The following ERCC3 variants were observed in gnomAD, a reference collection of about 807,000 sequenced individuals.
ERCC3 encodes general transcription and DNA repair factor IIH helicase/translocase subunit XPB.
In ERCC3, 66 loss-of-function variants were observed where a neutral mutation model predicts 94.2. The observed-to-expected ratio is 0.70, with a 90% CI of 0.57 to 0.86. The LOEUF (loss-of-function observed/expected upper bound fraction) is 0.86, where lower values mean the gene tolerates loss of function less well. Ranked by LOEUF, ERCC3 falls within the 40% of genes least tolerant of loss-of-function variation. The pLI, the probability that ERCC3 is intolerant of heterozygous loss-of-function variation, is 0.00. For missense variants in ERCC3, 829 were observed against 987.1 expected (o/e 0.84, Z 2.15); for synonymous variants, 349 against 369.1 (o/e 0.95, Z 0.63).
At position 127,290,215 on chromosome 2, in the gene ERCC3, A is replaced by C. The variant is rs1016212549; in HGVS notation, c.521+9T>G. ...TGCCTTGGGACAGGCCTGTCATGGAATCTCTTACCTGTTGTGCTTCAAGAC... is the reference window on the plus strand; with the variant it reads ...TGCCTTGGGACAGGCCTGTCATGGACTCTCTTACCTGTTGTGCTTCAAGAC... On this transcript the variant is annotated intron_variant, in intron 4 of 14. Transcript: ENST00000285398. The C allele has an allele frequency of 2.5e-6, 4 of 1,612,470 alleles. No individual in the cohort carries two copies. In the African/African-American group the frequency reaches 4.0e-5, roughly 16 times the overall value.
rs540454297 is a variant in ERCC3, at chr2:127,273,073, G to A, written c.1731-112C>T. On this transcript the variant is annotated intron_variant, in intron 10 of 14. Transcript: ENST00000285398. The stretch of plus-strand genomic sequence containing the variant: ...AGCTCTTCTCAAGTAGAAAGCCCTC[G>A]TCATGTAGGAATATCGTTACACCCA... 101 of 722,378 alleles carry A rather than the reference G, an allele frequency of 1.4e-4. 1 individual carries two copies. Among genetic ancestry groups the A allele is most frequent in the African/African-American group, 9.6e-4 (54 of 56,434 alleles). 44.7% of individuals were successfully genotyped at this position (722,378 alleles called of 1,614,324 possible).
rs772273590 is a variant in ERCC3 at position 127,257,491 on chromosome 2, C to A, written c.*105G>T. On this transcript the variant is annotated 3_prime_UTR_variant, in exon 15 of 15. Coordinates refer to ENST00000285398, the MANE Select transcript of ERCC3 (RefSeq NM_000122.2). This position sits in a 1 kb window ranked among gnomAD's most constrained non-coding sequence, Gnocchi z 5.4. ...ATCTTCCTCAGCACAATTTGGCCAA[C>A]GCTGGAGGGAAGGTCAAAGAGGTGG... 1 of 1,464,294 alleles carries A rather than the reference C, an allele frequency of 6.8e-7. No individual in the cohort carries two copies. Among genetic ancestry groups the A allele is most frequent in the African/African-American group, 1.4e-5 (1 of 71,932 alleles). The allele number at this position is 1,464,294 out of a possible 1,614,324, so 90.7% of individuals were successfully genotyped here.
At position 127,259,306 on chromosome 2, in the gene ERCC3, C is replaced by A. The variant is rs587778276; in HGVS notation, c.2207G>T (p.Arg736Ile). The A allele has an allele frequency of 7.4e-6, 12 of 1,614,234 alleles. No homozygotes were observed. The highest frequency in any genetic ancestry group is 1.0e-5 in the Non-Finnish European group (12 of 1,180,052). Reference sequence around the variant, plus strand: ...CACCCATTTACTCACCTGGCTGGATCTGGAGCCAAATTCCCCAGCCACCAC... The same window carrying A: ...CACCCATTTACTCACCTGGCTGGATATGGAGCCAAATTCCCCAGCCACCAC... The part of the protein sequence containing the change: ...EEVVAGEFGS[R>I]SSQASRRFGT... The change falls in exon 14 of 15, where the codon AGA becomes ATA. Residue 736 changes from arginine to isoleucine, a missense_variant. Transcript: ENST00000285398. The surrounding 1 kb of genome is among the most constrained non-coding windows in gnomAD (Gnocchi z 4.9).
rs58195524 is a variant in ERCC3, at chr2:127,274,316, G to GAA, written c.1731-1357_1731-1356dup. Among the ~76,000 whole-genome samples the GAA allele has an allele frequency of 1.8e-5, 2 of 113,730 alleles. No homozygotes were observed. Among genetic ancestry groups the GAA allele is most frequent in the African/African-American group, 3.2e-5 (1 of 31,070 alleles). The allele number at this position is 113,730 out of a possible 152,430, so 74.6% of individuals were successfully genotyped here. A position where few individuals can be genotyped will look rare whatever the true frequency, so the allele number is the denominator to read the frequency against. ...GGCAACAGAGTGAGACTCCGTCTCA[G>GAA]AAAAAAAAAAAAAAGAAAAAGAAAA... On this transcript the variant is annotated intron_variant, in intron 10 of 14. Coordinates refer to ENST00000285398, the MANE Select transcript of ERCC3 (RefSeq NM_000122.2). This position sits in a 1 kb window ranked among gnomAD's most constrained non-coding sequence, Gnocchi z 4.0.
Position 127,271,490 on chromosome 2 carries a change from A to G in ERCC3, c.1828-37T>C, listed in dbSNP as rs112349061. On this transcript the variant is annotated intron_variant, in intron 11 of 14. Transcript: ENST00000285398. The surrounding 1 kb of genome is among the most constrained non-coding windows in gnomAD (Gnocchi z 5.0). ...AGTTGGAAGGTTTTTATATATGAGG[A>G]AAAAAAAAAAGTCAACTGATCCAGA... 8.3e-5 allele frequency: 40 copies of G among 482,808 alleles called. 3 individuals are homozygous for G. The South Asian group carries it at 1.5e-3, about 19-fold the overall frequency. The allele number at this position is 482,808 out of a possible 1,614,324, so 29.9% of individuals were successfully genotyped here. A position where few individuals can be genotyped will look rare whatever the true frequency, so the allele number is the denominator to read the frequency against.
chr2:127,287,491 G>C (rs552140956), intron 7 of ERCC3, among the ~76,000 whole-genome samples: 1 of 152,032 alleles, frequency 6.6e-6, no homozygotes, highest in Non-Finnish European at 1.5e-5. Context: ...AAAATTAGCC[G>C]GGCATGGTGG....
chr2:127,274,319 A>AG lies in ERCC3; in HGVS notation c.1731-1359_1731-1358insC, dbSNP rs925189691. ...AACAGAGTGAGACTCCGTCTCAGAA[A>AG]AAAAAAAAAAAGAAAAAGAAAAGAA... On this transcript the variant is annotated intron_variant, in intron 10 of 14. Transcript: ENST00000285398. The surrounding 1 kb of genome is among the most constrained non-coding windows in gnomAD (Gnocchi z 4.0). Among the ~76,000 whole-genome samples the AG allele has an allele frequency of 6.6e-6, 1 of 150,646 alleles. No homozygotes were observed. The highest frequency in any genetic ancestry group is 2.5e-5 in the African/African-American group (1 of 40,420).
intron 12 of ERCC3, chr2:127,262,967 G>C (rs1405594591): frequency 6.6e-6 from 1 of 152,180 alleles, no homozygotes; most frequent in Non-Finnish European, 1.5e-5. Flanking sequence ...TCAGTTGGCT[G>C]CAGGTACATG....
In ERCC3 at chr2:127,289,795, A is replaced by G. The variant is rs2104776790; in HGVS notation, c.551T>C (p.Val184Ala). 6.2e-7 allele frequency: 1 copy of G among 1,614,176 alleles called. No individual in the cohort carries two copies. Among genetic ancestry groups the G allele is most frequent in the Non-Finnish European group, 8.5e-7 (1 of 1,180,032 alleles). ...RYFVESCHPDVIQHLLQDPVI... is the reference protein window; with the variant it reads ...RYFVESCHPDAIQHLLQDPVI... ...GGGGTCCTGGAGAAGATGCTGGATT[A>G]CATCAGGGTGGCAACTTTCAACGAA... The change falls in exon 5 of 15, where the codon GTA (valine) becomes GCA (alanine). Residue 184 changes from valine (V) to alanine (A), a missense_variant. Physicochemically the swap from Val to Ala is moderately conservative, Grantham distance 64. Transcript: ENST00000285398.
intron 8 of ERCC3, among the ~76,000 whole-genome samples, chr2:127,286,422 C>A (rs973796874): frequency 6.6e-6 from 1 of 152,056 alleles, no homozygotes; most frequent in Non-Finnish European, 1.5e-5. Context: ...GTGGCAGGTG[C>A]CTGTAATCCC....
Position 127,265,255 on chromosome 2 carries a change from T to C in ERCC3, c.1946-3909A>G, listed in dbSNP as rs1172158486. 4.6e-5 allele frequency among the ~76,000 whole-genome samples: 7 copies of C among 152,340 alleles called. No homozygotes were observed. In the South Asian group the frequency reaches 1.2e-3, roughly 27 times the overall value. On this transcript the variant is annotated intron_variant, in intron 12 of 14. Transcript: ENST00000285398. Reference sequence around the variant, plus strand: ...GAAGTTGTATGTTTCCAGGAATTTATCTATTTCCTCTAGATTTACTAGTTT... The same window carrying C: ...GAAGTTGTATGTTTCCAGGAATTTACCTATTTCCTCTAGATTTACTAGTTT...
intron 12 of ERCC3, among the ~76,000 whole-genome samples, chr2:127,267,615 T>G (rs974810431): frequency 1.8e-4 from 27 of 152,312 alleles, no homozygotes; most frequent in Admixed American, 7.2e-4. Flanking sequence ...AGGTTAATAT[T>G]GAGACATGAG....
rs1366797086 is a variant in ERCC3 at position 127,274,041 on chromosome 2, C to T, written c.1731-1080G>A. Among the ~76,000 whole-genome samples the T allele has an allele frequency of 4.6e-5, 7 of 151,328 alleles. No homozygotes were observed. Among genetic ancestry groups the T allele is most frequent in the African/African-American group, 1.7e-4 (7 of 41,286 alleles). ...AAAAAAAAAAAAATCCAGCCAGGCGCGGTGGCTCACACCTGTAATCCCAGC... is the reference window on the plus strand; with the variant it reads ...AAAAAAAAAAAAATCCAGCCAGGCGTGGTGGCTCACACCTGTAATCCCAGC... On this transcript the variant is annotated intron_variant, in intron 10 of 14. Coordinates refer to ENST00000285398, the MANE Select transcript of ERCC3 (RefSeq NM_000122.2). The surrounding 1 kb of genome is among the most constrained non-coding windows in gnomAD (Gnocchi z 4.0).
intron 8 of ERCC3, among the ~76,000 whole-genome samples, chr2:127,281,498 T>A (rs1275352160): frequency 6.6e-6 from 1 of 152,204 alleles, no homozygotes; most frequent in Non-Finnish European, 1.5e-5. Flanking sequence ...ATTTATGGAT[T>A]TCCACGGGCT....
chr2:127,294,120 A>C lies in ERCC3; in HGVS notation c.-39T>G, dbSNP rs750084910. 1 of 1,600,226 alleles carries C rather than the reference A, an allele frequency of 6.2e-7. No homozygotes were observed. The highest frequency in any genetic ancestry group is 1.1e-5 in the South Asian group (1 of 90,516). On this transcript the variant is annotated 5_prime_UTR_variant, in exon 1 of 15. Coordinates refer to ENST00000285398, the MANE Select transcript of ERCC3 (RefSeq NM_000122.2). Reference sequence around the variant, plus strand: ...GCAGAGAGAAGATGACCCCGCTCCCACAGGCCCGCCGCGGCATCCGCTCTG... The same window carrying C: ...GCAGAGAGAAGATGACCCCGCTCCCCCAGGCCCGCCGCGGCATCCGCTCTG...
Position 127,293,061 on chromosome 2 carries a change from T to C in ERCC3, c.235-215A>G, listed in dbSNP as rs4150400. ...AAGTGTTTCCAAAGTCAACAGCTGTTTCCTACTATTCTGCACAGAGAAAGC... is the reference window on the plus strand; with the variant it reads ...AAGTGTTTCCAAAGTCAACAGCTGTCTCCTACTATTCTGCACAGAGAAAGC... On this transcript the variant is annotated intron_variant, in intron 2 of 14. Transcript: ENST00000285398. Among the ~76,000 whole-genome samples, 1,064 of 152,320 alleles carry C rather than the reference T, an allele frequency of 7.0e-3. 5 individuals carry two copies. The highest frequency in any genetic ancestry group is 0.014 in the Middle Eastern group (4 of 294).
intron 10 of ERCC3, among the ~76,000 whole-genome samples, chr2:127,278,472 C>T (rs1338136925): frequency 3.9e-5 from 6 of 151,932 alleles, no homozygotes; most frequent in Non-Finnish European, 8.8e-5. Flanking sequence ...GTTTGTCTTC[C>T]CTTCTATAAA....
chr2:127,292,521 T>C (rs756743481), intron 3 of ERCC3, 89 bp downstream of exon 3: 75 of 884,200 alleles, frequency 8.5e-5, no homozygotes, highest in Middle Eastern at 6.4e-4. Context: ...CACATTCTCA[T>C]GGCTGCCACA....
intron 10 of ERCC3, among the ~76,000 whole-genome samples, chr2:127,273,186 T>C (rs779101474): frequency 2.0e-4 from 30 of 152,164 alleles, no homozygotes; most frequent in Admixed American, 1.3e-3. Flanking sequence ...TTCCCTCCTT[T>C]CCATTTTTCG....
Sources: gnomAD v4.1 joint callset for allele counts (sites outside exome capture counted in the v4.1 genomes callset) on GRCh38, gnomAD v4.1.1 for gene constraint, Gnocchi (gnomAD v3.1) non-coding constraint, MANE v1.5 for transcripts, NCBI Gene and HGNC (gene_info 2026-07-23, HGNC 2026-07-21) for gene names.